The following MACROD2 variants were observed in gnomAD, a reference collection of about 807,000 sequenced individuals.
MACROD2 encodes mono-ADP ribosylhydrolase 2.
In MACROD2, 36 loss-of-function variants were observed where a neutral mutation model predicts 70.4. The ratio of observed to expected loss-of-function variants is 0.51; its 90% CI spans 0.39 to 0.68. The LOEUF is 0.68. Among genes scored for constraint, MACROD2 ranks in the 30% least tolerant of loss-of-function variants. MACROD2 has a pLI of 0.00. For missense variants in MACROD2, 496 were observed against 538.4 expected (o/e 0.92, Z 0.78); for synonymous variants, 172 against 178.8 (o/e 0.96, Z 0.30).
intron 5 of MACROD2, among the ~76,000 whole-genome samples, chr20:15,167,172 A>G (rs2145882814): frequency 6.6e-6 from 1 of 152,178 alleles, no homozygotes. Context: ...ATACATTACC[A>G]AAAAAAGTGT....
intron 5 of MACROD2, among the ~76,000 whole-genome samples, chr20:14,810,179 G>A (rs1420429429): frequency 3.9e-5 from 6 of 151,968 alleles, no homozygotes; most frequent in Admixed American, 6.6e-5. Flanking sequence ...ACTTTGATGC[G>A]AAAATCCTCA....
At chr20:14,103,222 GTTTA>G (rs1269087477) in intron 3 of MACROD2, among the ~76,000 whole-genome samples, 9 of 152,022 alleles carry the variant, frequency 5.9e-5, no homozygotes, top group Non-Finnish European at 1.0e-4. Flanking sequence ...TCCCTTCTGA[GTTTA>G]TTTTTTTGTT....
intron 3 of MACROD2, among the ~76,000 whole-genome samples, chr20:14,308,359 G>A (rs145838924): frequency 2.4e-4 from 37 of 152,184 alleles, no homozygotes; most frequent in African/African-American, 7.7e-4. Flanking sequence ...TGAATCTTAC[G>A]TAGCTGAAGG....
At chr20:15,098,545 C>A (rs897167620) in intron 5 of MACROD2, among the ~76,000 whole-genome samples, 2 of 152,182 alleles carry the variant, frequency 1.3e-5, no homozygotes, top group Non-Finnish European at 2.9e-5. Context: ...CCATGACTCA[C>A]CTTCTTGCAT....
intron 3 of MACROD2, among the ~76,000 whole-genome samples, chr20:14,209,884 GA>G (rs1160276931): frequency 6.6e-6 from 1 of 152,144 alleles, no homozygotes; most frequent in East Asian, 1.9e-4. Flanking sequence ...ACTGTATTTG[GA>G]TGGTCAACTA....
intron 7 of MACROD2, among the ~76,000 whole-genome samples, chr20:15,486,808 G>A (rs976923115): frequency 6.6e-6 from 1 of 152,200 alleles, no homozygotes; most frequent in African/African-American, 2.4e-5. Flanking sequence ...AACATTGTGT[G>A]TTCACCAGCA....
intron 6 of MACROD2, among the ~76,000 whole-genome samples, chr20:15,421,745 C>T (rs2046231584): frequency 6.6e-6 from 1 of 152,124 alleles, no homozygotes; most frequent in Admixed American, 6.5e-5. Context: ...GCTGGTGATA[C>T]AGCAATAAAC....
intron 4 of MACROD2, among the ~76,000 whole-genome samples, chr20:14,550,870 A>G (rs1978605515): frequency 1.0e-5 from 1 of 97,124 alleles, no homozygotes. Flanking sequence ...TGCATGTTTT[A>G]TCAGTAGCAG....
chr20:14,876,451 T>G (rs1318579104), intron 5 of MACROD2, among the ~76,000 whole-genome samples: 1 of 152,174 alleles, frequency 6.6e-6, no homozygotes, highest in Admixed American at 6.5e-5. Flanking sequence ...TCTTTTGTTG[T>G]GCAGAGGTCT....
In MACROD2 at chr20:14,269,083, C is replaced by CAT. The variant is rs1239498917; in HGVS notation, c.271+183357_271+183358dup. On this transcript the variant is annotated intron_variant, in intron 3 of 17. Coordinates refer to ENST00000684519, the MANE Select transcript of MACROD2 (RefSeq NM_001351661.2). ...GCCTCAGAGGACTTTTTCAGCACTA[C>CAT]ATAATCAAGATTTGGTGATACGAGC... Among the ~76,000 whole-genome samples, 6 of 152,304 alleles carry CAT rather than the reference C, an allele frequency of 3.9e-5. No homozygotes were observed. In the East Asian group the frequency reaches 1.2e-3, roughly 29 times the overall value.
chr20:15,004,543 C>A (rs1231521485), intron 5 of MACROD2, among the ~76,000 whole-genome samples: 1 of 152,164 alleles, frequency 6.6e-6, no homozygotes, highest in Admixed American at 6.5e-5. Context: ...CACACAAACA[C>A]ATACATTCAT....
At chr20:14,620,103 C>G (rs1983744882) in intron 4 of MACROD2, among the ~76,000 whole-genome samples, 3 of 152,150 alleles carry the variant, frequency 2.0e-5, no homozygotes, top group African/African-American at 7.2e-5. Flanking sequence ...GGATTCCCGT[C>G]TATTCTGGTT....
At chr20:14,078,181 C>T (rs760807846) in intron 2 of MACROD2, among the ~76,000 whole-genome samples, 16 of 152,114 alleles carry the variant, frequency 1.1e-4, no homozygotes, top group Non-Finnish European at 1.9e-4. Context: ...GGATTACAGG[C>T]GTGAGCCATC....
intron 3 of MACROD2, among the ~76,000 whole-genome samples, chr20:14,481,540 A>G (rs1256788593): frequency 6.6e-6 from 1 of 152,218 alleles, no homozygotes; most frequent in Admixed American, 6.5e-5. Context: ...TTTTTCTGGT[A>G]ACTTTGGTTT....
intron 5 of MACROD2, among the ~76,000 whole-genome samples, chr20:14,702,650 C>T (rs56230758): frequency 4.1e-4 from 16 of 39,130 alleles, no homozygotes; most frequent in South Asian, 1.7e-3. Flanking sequence ...TATATATATA[C>T]ACATATATAT....
Position 14,679,447 on chromosome 20 carries a change from A to AGGATAAGT in MACROD2, c.302-5395_302-5388dup, listed in dbSNP as rs564174704. On this transcript the variant is annotated intron_variant, in intron 4 of 17. Coordinates refer to ENST00000684519, the MANE Select transcript of MACROD2 (RefSeq NM_001351661.2). ...AGTGTAGGAGGATATGAGAGTTGGG[A>AGGATAAGT]GGATAAGTTGGAACAACATTTATGA... Among the ~76,000 whole-genome samples, 338 of 152,260 alleles carry AGGATAAGT rather than the reference A, an allele frequency of 2.2e-3. 1 individual carries two copies. The highest frequency in any genetic ancestry group is 7.6e-3 in the African/African-American group (314 of 41,546).
intron 8 of MACROD2, among the ~76,000 whole-genome samples, chr20:15,666,591 A>C (rs1341231525): frequency 6.6e-6 from 1 of 152,204 alleles, no homozygotes; most frequent in Non-Finnish European, 1.5e-5. Context: ...TAATGTATCA[A>C]AAGTGTGTTG....
chr20:15,937,363 G>A (rs1178495188), intron 11 of MACROD2, 113 bp from the exon 12 acceptor site: 9 of 895,648 alleles, frequency 1.0e-5, no homozygotes, highest in East Asian at 9.9e-5. Flanking sequence ...TCAAGCATGC[G>A]GCAGGCTCAT....
At chr20:14,911,603 C>G (rs2074028493) in intron 5 of MACROD2, among the ~76,000 whole-genome samples, 1 of 151,974 alleles carries the variant, frequency 6.6e-6, no homozygotes, top group East Asian at 1.9e-4. Context: ...GGTCTCTTGG[C>G]TGCAAGTGAT....
Sources: allele counts gnomAD v4.1 joint callset (sites outside exome capture counted in the v4.1 genomes callset), GRCh38; gene constraint gnomAD v4.1.1; transcripts MANE v1.5; gene names NCBI Gene and HGNC (gene_info 2026-07-23, HGNC 2026-07-21).